The following CCDC57 variants were observed in gnomAD, a reference collection of about 807,000 sequenced individuals.
The protein encoded by CCDC57 is coiled-coil domain-containing protein 57.
In CCDC57, 118 loss-of-function variants were observed where a neutral mutation model predicts 118.9. The ratio of observed to expected loss-of-function variants is 0.99; its 90% CI spans 0.86 to 1.16. The LOEUF is 1.16. Among genes scored for constraint, CCDC57 ranks in the 50% most tolerant of loss-of-function variants. The pLI, the probability that CCDC57 is intolerant of heterozygous loss-of-function variation, is 0.00. For missense variants in CCDC57, 1,300 were observed against 1,320.7 expected, an observed-to-expected ratio of 0.98 and a Z score of 0.24; for synonymous variants, 527 against 532.9, an observed-to-expected ratio of 0.99 and a Z score of 0.15.
intron 7 of CCDC57, among the ~76,000 whole-genome samples, chr17:82,190,892 C>T (rs2047589117): frequency 6.6e-6 from 1 of 151,338 alleles, no homozygotes. Context: ...GATGTCAATG[C>T]TGTGGCCGAA....
chr17:82,171,666 G>C, intron 13 of CCDC57, 35 bp downstream of exon 12: 1 of 1,594,820 alleles, frequency 6.3e-7, no homozygotes, highest in Non-Finnish European at 8.6e-7. Context: ...AGTTTATAAG[G>C]GGACAGCAAG....
At chr17:82,210,658 CGA>C (rs778778507) in intron 1 of CCDC57, among the ~76,000 whole-genome samples, 26 of 141,980 alleles carry the variant, frequency 1.8e-4, no homozygotes, top group Admixed American at 2.9e-4. Flanking sequence ...CCAGCTTGGG[CGA>C]GAGAGAGAGA....
intron 13 of CCDC57, among the ~76,000 whole-genome samples, chr17:82,165,620 AG>A (rs1303382306): frequency 6.6e-6 from 1 of 152,154 alleles, no homozygotes; most frequent in African/African-American, 2.4e-5. Context: ...CTGTGGACAA[AG>A]GCCAGCTGGG....
intron 19 of CCDC57, among the ~76,000 whole-genome samples, chr17:82,119,652 G>T (rs1006785830): frequency 1.3e-5 from 2 of 152,044 alleles, no homozygotes; most frequent in African/African-American, 2.4e-5. Context: ...TGCAGGTGCT[G>T]CAAGGTCTGC....
At chr17:82,146,893 GCA>G (rs1041166184) in intron 16 of CCDC57, among the ~76,000 whole-genome samples, 22 of 152,248 alleles carry the variant, frequency 1.4e-4, no homozygotes, top group Non-Finnish European at 2.9e-4. Flanking sequence ...AAACGTGTGT[GCA>G]CACACACAGT....
chr17:82,170,380 C>A (rs1457452974), intron 13 of CCDC57, among the ~76,000 whole-genome samples: 1 of 151,892 alleles, frequency 6.6e-6, no homozygotes, highest in Non-Finnish European at 1.5e-5. Context: ...TGGTGGCATG[C>A]ACCTGTAATC....
chr17:82,163,127 C>T (rs998194705), intron 14 of CCDC57, 73 bp downstream of exon 13: 63 of 1,557,610 alleles, frequency 4.0e-5, no homozygotes, highest in Non-Finnish European at 5.2e-5. Context: ...ACCGGGCAGC[C>T]GCTCAGAGCC....
chr17:82,161,683 T>C (rs1046509138), intron 14 of CCDC57, among the ~76,000 whole-genome samples: 1 of 152,190 alleles, frequency 6.6e-6, no homozygotes, highest in African/African-American at 2.4e-5. Flanking sequence ...ATGAGGTCCC[T>C]ACAGTAGACA....
intron 16 of CCDC57, among the ~76,000 whole-genome samples, chr17:82,138,928 T>G (rs2039662514): frequency 6.6e-6 from 1 of 152,190 alleles, no homozygotes; most frequent in Non-Finnish European, 1.5e-5. Flanking sequence ...TACTTTAACG[T>G]GAGCTGTGCA....
chr17:82,194,060 G>T, exon 6 of CCDC57: 1 of 1,613,846 alleles, frequency 6.2e-7, no homozygotes, highest in Non-Finnish European at 8.5e-7. Context: ...GGCGTTGGTG[G>T]CCTCTGCCCT....
Position 82,194,015 on chromosome 17 carries a change from T to A in CCDC57, c.743A>T (p.Glu248Val), listed in dbSNP as rs753323520. 18 of 1,612,450 alleles carry A rather than the reference T, an allele frequency of 1.1e-5. No homozygotes were observed. Among genetic ancestry groups the A allele is most frequent in the Non-Finnish European group, 1.4e-5 (17 of 1,179,582 alleles). Residue 248 changes from glutamate to valine, a missense_variant, in exon 6 of 20, where the codon GAG (glutamate) becomes GTG (valine). Glu to Val is a moderately radical substitution (Grantham distance 121). Coordinates refer to ENST00000665763, the Ensembl canonical transcript of CCDC57. ...GCTCATGGCCTCCAGGTCCTGGAGC[T>A]CCCCGGCTCGGCTCTGGAGCTTCCT...
chr17:82,165,090 G>T (rs6502077), intron 13 of CCDC57, among the ~76,000 whole-genome samples: 4 of 152,050 alleles, frequency 2.6e-5, no homozygotes, highest in Admixed American at 6.6e-5. Flanking sequence ...AGGAGGCCAA[G>T]GCAAGAAGAT....
At chr17:82,165,631 G>C (rs979891377) in intron 13 of CCDC57, among the ~76,000 whole-genome samples, 1 of 152,182 alleles carries the variant, frequency 6.6e-6, no homozygotes, top group Non-Finnish European at 1.5e-5. Flanking sequence ...GGCCAGCTGG[G>C]CTTCTGGGAG....
At chr17:82,122,537 A>G (rs2036863516) in intron 19 of CCDC57, among the ~76,000 whole-genome samples, 1 of 139,992 alleles carries the variant, frequency 7.1e-6, no homozygotes, top group Admixed American at 7.0e-5. Context: ...CTCAGCTGAG[A>G]TGCATACCCA....
exon 16 of CCDC57, chr17:82,151,743 C>T (rs550839934): frequency 1.7e-5 from 26 of 1,550,262 alleles, no homozygotes; most frequent in South Asian, 7.1e-5. Flanking sequence ...CCCTGGTCCT[C>T]GGCCTCCATA....
At chr17:82,122,499 C>T (rs1052128635) in intron 19 of CCDC57, among the ~76,000 whole-genome samples, 24 of 146,154 alleles carry the variant, frequency 1.6e-4, no homozygotes, top group African/African-American at 5.6e-4. Flanking sequence ...TGTGGTCGCT[C>T]TAGGACTCGG....
At position 82,114,718 on chromosome 17, in the gene CCDC57, C is replaced by T. The variant is rs564682160; in HGVS notation, c.2900-12852G>A. 3.9e-5 allele frequency among the ~76,000 whole-genome samples: 6 copies of T among 152,356 alleles called. 1 individual carries two copies. In the South Asian group the frequency reaches 1.2e-3, roughly 32 times the overall value. ...CACCCACAGCCACTCCACCCCCAGG[C>T]GTGGTCCCACTGGAGCCCACCAAAC... On this transcript the variant is annotated intron_variant, in intron 19 of 19. Coordinates refer to ENST00000665763, the Ensembl canonical transcript of CCDC57.
chr17:82,194,220 T>C, intron 5 of CCDC57, 81 bp from the exon 5 acceptor site: 1 of 1,422,360 alleles, frequency 7.0e-7, no homozygotes, highest in East Asian at 2.3e-5. Context: ...TGCTGTTTTA[T>C]CAGGATTGGG....
chr17:82,122,142 T>A (rs1332565378), intron 19 of CCDC57, among the ~76,000 whole-genome samples: 4 of 152,088 alleles, frequency 2.6e-5, no homozygotes, highest in Non-Finnish European at 5.9e-5. Context: ...ACCCACTTTC[T>A]CAAGCCTCCT....
Sources: allele counts gnomAD v4.1 joint callset (sites outside exome capture counted in the v4.1 genomes callset), GRCh38; gene constraint gnomAD v4.1.1; transcripts MANE v1.5; gene names NCBI Gene and HGNC (gene_info 2026-07-23, HGNC 2026-07-21).